The following GALNT15 variants were observed in gnomAD, a reference collection of about 807,000 sequenced individuals.
The protein encoded by GALNT15 is polypeptide N-acetylgalactosaminyltransferase 15.
In GALNT15, 67 loss-of-function variants were observed where a neutral mutation model predicts 66.8. That is an observed-to-expected ratio of 1.00 (90% CI 0.82 to 1.23). The LOEUF is 1.23. GALNT15 is among the 50% of genes most tolerant of loss of function. The pLI, the probability that GALNT15 is intolerant of heterozygous loss-of-function variation, is 0.00. For synonymous variants in GALNT15, 313 were observed against 311.5 expected, an observed-to-expected ratio of 1.00 and a Z score of -0.05; for missense variants, 827 against 804.3, an observed-to-expected ratio of 1.03 and a Z score of -0.34.
Position 16,180,789 on chromosome 3 carries a change from C to T in GALNT15, c.539+5099C>T, listed in dbSNP as rs2063462282. On this transcript the variant is annotated intron_variant, in intron 1 of 9. Transcript: ENST00000339732. The surrounding 1 kb of genome is among the most constrained non-coding windows in gnomAD (Gnocchi z 5.0). ...TAAATGTCAACTCAGCGGTAGCTGG[C>T]TGTGTGCTACCTGCTTTTAACTTGC... 6.6e-6 allele frequency among the ~76,000 whole-genome samples: 1 copy of T among 152,228 alleles called. No homozygotes were observed. The highest frequency in any genetic ancestry group is 6.5e-5 in the Admixed American group (1 of 15,282).
In GALNT15 at chr3:16,193,852, C is replaced by A. The variant is rs187962028; in HGVS notation, c.540-1908C>A. Among the ~76,000 whole-genome samples the A allele has an allele frequency of 6.6e-6, 1 of 152,178 alleles. No individual in the cohort carries two copies. Among genetic ancestry groups the A allele is most frequent in the Non-Finnish European group, 1.5e-5 (1 of 68,024 alleles). On this transcript the variant is annotated intron_variant, in intron 1 of 9. Transcript: ENST00000339732. This position sits in a 1 kb window ranked among gnomAD's most constrained non-coding sequence, Gnocchi z 4.7. ...GCAGCAGCTGCAACTCAGAAAGAGG[C>A]TCTTCAGAAACACACGTTAAGAAAG... is the stretch of plus-strand genomic sequence containing the variant.
Position 16,204,174 on chromosome 3 carries a change from C to A in GALNT15, c.911+3351C>A, listed in dbSNP as rs1441167535. 6.6e-6 allele frequency among the ~76,000 whole-genome samples: 1 copy of A among 152,140 alleles called. No homozygotes were observed. Among genetic ancestry groups the A allele is most frequent in the African/African-American group, 2.4e-5 (1 of 41,424 alleles). On this transcript the variant is annotated intron_variant, in intron 3 of 9. Transcript: ENST00000339732. The surrounding 1 kb of genome is among the most constrained non-coding windows in gnomAD (Gnocchi z 4.5). ...AAGGAATTCAGAGCCTGCTGACCAG[C>A]CTTTGTTCCCTGTCCCTGCCTAGCA...
At position 16,208,531 on chromosome 3, in the gene GALNT15, G is replaced by A. The variant is rs765002678; in HGVS notation, c.940G>A (p.Val314Met). 23 of 1,613,988 alleles carry A rather than the reference G, an allele frequency of 1.4e-5. No homozygotes were observed. In the South Asian group the frequency reaches 2.4e-4, roughly 17 times the overall value. The change falls in exon 4 of 10, where the codon GTG becomes ATG. Residue 314 changes from valine (V) to methionine (M), a missense_variant. Physicochemically the swap from Val to Met is conservative, Grantham distance 21. Transcript: ENST00000339732. ...RSRVVSPVID[V>M]IDWKTFQYYP... ...CCGAGTGGTATCTCCGGTGATAGAT[G>A]TGATTGACTGGAAGACTTTCCAGTA...
chr3:16,179,683 T>C (rs2063449100), intron 1 of GALNT15, among the ~76,000 whole-genome samples: 1 of 152,148 alleles, frequency 6.6e-6, no homozygotes. Flanking sequence ...ACTGTATCAT[T>C]AGGGGAAATG....
Position 16,180,202 on chromosome 3 carries a change from G to T in GALNT15, c.539+4512G>T, listed in dbSNP as rs901882894. Among the ~76,000 whole-genome samples the T allele has an allele frequency of 6.6e-6, 1 of 152,162 alleles. No homozygotes were observed. Among genetic ancestry groups the T allele is most frequent in the African/African-American group, 2.4e-5 (1 of 41,448 alleles). On this transcript the variant is annotated intron_variant, in intron 1 of 9. Transcript: ENST00000339732. This position sits in a 1 kb window ranked among gnomAD's most constrained non-coding sequence, Gnocchi z 5.0. ...ACATTTGCATTTCTGCAAACTCCTG[G>T]TACTGCTGCTGCTGCTGCTCCCAAT... is the stretch of plus-strand genomic sequence containing the variant.
chr3:16,218,800 C>T (rs1222009075), intron 6 of GALNT15, among the ~76,000 whole-genome samples: 1 of 140,362 alleles, frequency 7.1e-6, no homozygotes, highest in Non-Finnish European at 1.5e-5. Context: ...CATAGACTCT[C>T]TCTCTCTCTC....
rs541620439 is a variant in GALNT15, at chr3:16,200,509, C to T, written c.707-110C>T. On this transcript the variant is annotated intron_variant, in intron 2 of 9. Coordinates refer to ENST00000339732, the MANE Select transcript of GALNT15 (RefSeq NM_054110.5). The surrounding 1 kb of genome is among the most constrained non-coding windows in gnomAD (Gnocchi z 4.4). ...TAGTAATGTTTTCGGTTCTTAGGAC[C>T]CAGGTGCTCACCACAGCTTCCAAAA... The T allele has an allele frequency of 2.1e-5, 17 of 799,090 alleles. No homozygotes were observed. The African/African-American group carries it at 2.7e-4, about 13-fold the overall frequency. The allele number at this position is 799,090 out of a possible 1,614,324, so 49.5% of individuals were successfully genotyped here. A position where few individuals can be genotyped will look rare whatever the true frequency, so the allele number is the denominator to read the frequency against.
downstream of GALNT15, among the ~76,000 whole-genome samples, chr3:16,236,036 C>T (rs553749496): frequency 3.1e-5 from 4 of 127,116 alleles, no homozygotes; most frequent in South Asian, 2.6e-4. Flanking sequence ...ACCAGGGAGG[C>T]GGAGGTTGGA....
chr3:16,238,187 A>G, the GALNT15 span, among the ~76,000 whole-genome samples: 1 of 152,218 alleles, frequency 6.6e-6, no homozygotes, highest in Non-Finnish European at 1.5e-5. The surrounding 1 kb of genome is among the most constrained non-coding windows in gnomAD (Gnocchi z 4.8). Flanking sequence ...TATGGAGGAG[A>G]AAAAACCAGG....
downstream of GALNT15, among the ~76,000 whole-genome samples, chr3:16,236,650 A>G (rs753166154): frequency 3.9e-5 from 6 of 152,258 alleles, no homozygotes; most frequent in African/African-American, 9.6e-5. Context: ...ACAGAACAGC[A>G]AAAAATAACA....
downstream of GALNT15, among the ~76,000 whole-genome samples, chr3:16,231,208 A>C (rs2064078239): frequency 6.6e-6 from 1 of 152,158 alleles, no homozygotes; most frequent in South Asian, 2.1e-4. This position sits in a 1 kb window ranked among gnomAD's most constrained non-coding sequence, Gnocchi z 4.1. Flanking sequence ...TGCAGGGCTT[A>C]AAACCTAGAT....
In GALNT15 at chr3:16,176,656, A is replaced by C. The variant is rs1461455276; in HGVS notation, c.539+966A>C. On this transcript the variant is annotated intron_variant, in intron 1 of 9. Transcript: ENST00000339732. This position sits in a 1 kb window ranked among gnomAD's most constrained non-coding sequence, Gnocchi z 5.6. ...CACTGAGGAGGGAGCCTTGGTTACC[A>C]GCATCCAGGGAGCAAGGCAGCTTGT... 6.6e-6 allele frequency among the ~76,000 whole-genome samples: 1 copy of C among 152,230 alleles called. No individual in the cohort carries two copies. The highest frequency in any genetic ancestry group is 1.5e-5 in the Non-Finnish European group (1 of 68,046).
At chr3:16,231,402 T>A (rs2064080495), downstream of GALNT15, among the ~76,000 whole-genome samples, 1 of 152,238 alleles carries the variant, frequency 6.6e-6, no homozygotes, top group Non-Finnish European at 1.5e-5. This position sits in a 1 kb window ranked among gnomAD's most constrained non-coding sequence, Gnocchi z 4.1. Context: ...TCTTTGGACA[T>A]GGCCATATGT....
At position 16,182,351 on chromosome 3, in the gene GALNT15, A is replaced by G. The variant is rs1216945037; in HGVS notation, c.539+6661A>G. Among the ~76,000 whole-genome samples, 1 of 152,228 alleles carries G rather than the reference A, an allele frequency of 6.6e-6. No individual in the cohort carries two copies. Among genetic ancestry groups the G allele is most frequent in the East Asian group, 1.9e-4 (1 of 5,202 alleles). ...TCATGTCAAGGCTCCAAAGCAGACC[A>G]AGTAAATGTGATTCACAGGAACTCA... On this transcript the variant is annotated intron_variant, in intron 1 of 9. Coordinates refer to ENST00000339732, the MANE Select transcript of GALNT15 (RefSeq NM_054110.5). This position sits in a 1 kb window ranked among gnomAD's most constrained non-coding sequence, Gnocchi z 6.1.
At chr3:16,194,065 G>A (rs763312233) in intron 1 of GALNT15, among the ~76,000 whole-genome samples, 1 of 152,224 alleles carries the variant, frequency 6.6e-6, no homozygotes, top group Non-Finnish European at 1.5e-5. Context: ...AGCCAGCAAA[G>A]TGGAAAGGGT....
rs369691280 is a variant in GALNT15, at chr3:16,182,775, C to T, written c.539+7085C>T. On this transcript the variant is annotated intron_variant, in intron 1 of 9. Coordinates refer to ENST00000339732, the MANE Select transcript of GALNT15 (RefSeq NM_054110.5). The surrounding 1 kb of genome is among the most constrained non-coding windows in gnomAD (Gnocchi z 6.1). The stretch of plus-strand genomic sequence containing the variant: ...AAATGCAGAATCTCAGGCCCCACCC[C>T]AGACCTACTTGACCTAAGTCTACAT... The T allele has an allele frequency of 6.6e-6, 1 of 152,352 alleles. No homozygotes were observed. The highest frequency in any genetic ancestry group is 1.5e-5 in the Non-Finnish European group (1 of 68,154). 9.4% of individuals were successfully genotyped at this position (152,352 alleles called of 1,614,324 possible).
At position 16,200,153 on chromosome 3, in the gene GALNT15, T is replaced by C. The variant is rs1034446826; in HGVS notation, c.707-466T>C. 3.3e-5 allele frequency among the ~76,000 whole-genome samples: 5 copies of C among 152,104 alleles called. No homozygotes were observed. The highest frequency in any genetic ancestry group is 1.2e-4 in the African/African-American group (5 of 41,400). On this transcript the variant is annotated intron_variant, in intron 2 of 9. Transcript: ENST00000339732. The surrounding 1 kb of genome is among the most constrained non-coding windows in gnomAD (Gnocchi z 4.4). ...AGGAGGAAAAACTATCAAACACTTA[T>C]ATAATCATCAGATCTCATGAGAACT...
At chr3:16,212,890 G>A in intron 6 of GALNT15, 127 bp downstream of exon 6, 1 of 786,016 alleles carries the variant, frequency 1.3e-6, no homozygotes, top group South Asian at 1.9e-5. Flanking sequence ...CTTCCCTCAT[G>A]CTGCCCTATT....
In GALNT15 at chr3:16,219,363, C is replaced by T. The variant is rs1461945607; in HGVS notation, c.1393-40C>T. 6.2e-7 allele frequency: 1 copy of T among 1,608,618 alleles called. No individual in the cohort carries two copies. Among genetic ancestry groups the T allele is most frequent in the Non-Finnish European group, 8.5e-7 (1 of 1,177,156 alleles). On this transcript the variant is annotated intron_variant, in intron 6 of 9. Coordinates refer to ENST00000339732, the MANE Select transcript of GALNT15 (RefSeq NM_054110.5). This position sits in a 1 kb window ranked among gnomAD's most constrained non-coding sequence, Gnocchi z 4.3. ...CCAACCATGTGAATTCTGGGCAAGA[C>T]AAGCTTTCATCATCCTGCTTGTGTC...
Sources: gnomAD v4.1 joint callset for allele counts (sites outside exome capture counted in the v4.1 genomes callset) on GRCh38, gnomAD v4.1.1 for gene constraint, Gnocchi (gnomAD v3.1) non-coding constraint, MANE v1.5 for transcripts, NCBI Gene and HGNC (gene_info 2026-07-23, HGNC 2026-07-21) for gene names.